The following TSHZ2 variants were observed in gnomAD, a reference collection of about 807,000 sequenced individuals.
TSHZ2 encodes teashirt zinc finger homeobox 2.
In TSHZ2, 21 loss-of-function variants were observed where a neutral mutation model predicts 74.4. That is an observed-to-expected ratio of 0.28 (90% CI 0.20 to 0.41). The LOEUF is 0.41. Ranked by LOEUF, TSHZ2 falls within the 10% of genes least tolerant of loss-of-function variation. The probability of loss-of-function intolerance (pLI) is 1.00; values close to 1 mark genes in which losing one functional copy is unlikely to be tolerated. For missense variants in TSHZ2, 1,244 were observed against 1,293.5 expected, an observed-to-expected ratio of 0.96 and a Z score of 0.59; for synonymous variants, 540 against 515.3, an observed-to-expected ratio of 1.05 and a Z score of -0.65.
intron 2 of TSHZ2, among the ~76,000 whole-genome samples, chr20:53,287,946 A>G (rs1263247863): frequency 1.3e-5 from 2 of 152,212 alleles, no homozygotes; most frequent in African/African-American, 4.8e-5. Context: ...ATTGGAGAAG[A>G]TTAAAGTCTT....
intron 2 of TSHZ2, among the ~76,000 whole-genome samples, chr20:53,428,507 C>T (rs1983731251): frequency 6.6e-6 from 1 of 152,140 alleles, no homozygotes. Context: ...AAACAATTTC[C>T]AAGTGTGGTC....
chr20:53,264,574 G>A (rs1464006474), intron 2 of TSHZ2, among the ~76,000 whole-genome samples: 1 of 152,214 alleles, frequency 6.6e-6, no homozygotes, highest in Non-Finnish European at 1.5e-5. Flanking sequence ...AAGGATGCAT[G>A]TCCAGAATGA....
intron 2 of TSHZ2, among the ~76,000 whole-genome samples, chr20:53,312,226 G>T (rs1978825814): frequency 6.6e-6 from 1 of 152,212 alleles, no homozygotes; most frequent in African/African-American, 2.4e-5. Flanking sequence ...GGGCAGTAGA[G>T]CATCCTACTT....
At chr20:53,113,607 T>A (rs928128121) in intron 1 of TSHZ2, among the ~76,000 whole-genome samples, 2 of 152,108 alleles carry the variant, frequency 1.3e-5, no homozygotes, top group Non-Finnish European at 2.9e-5. Context: ...TAAAGAGAGG[T>A]TTCAGAATAT....
At chr20:53,048,770 G>T (rs6068439) in intron 1 of TSHZ2, among the ~76,000 whole-genome samples, 3 of 151,968 alleles carry the variant, frequency 2.0e-5, no homozygotes, top group African/African-American at 7.3e-5. Context: ...TTCCCCTTTT[G>T]TATGGGATTT....
chr20:53,121,854 G>A (rs1986819265), intron 1 of TSHZ2, among the ~76,000 whole-genome samples: 2 of 151,960 alleles, frequency 1.3e-5, no homozygotes, highest in South Asian at 4.2e-4. Context: ...GAGTTTTATT[G>A]TCCCTCCTCT....
intron 2 of TSHZ2, among the ~76,000 whole-genome samples, chr20:53,356,436 C>A (rs1980850033): frequency 6.6e-6 from 1 of 152,162 alleles, no homozygotes; most frequent in Admixed American, 6.5e-5. Flanking sequence ...TTAGAAGAGT[C>A]CCACACTTGC....
chr20:53,173,435 C>T (rs527255899), intron 1 of TSHZ2, among the ~76,000 whole-genome samples: 27 of 152,142 alleles, frequency 1.8e-4, no homozygotes, highest in Non-Finnish European at 2.2e-4. Context: ...GGTGAAACCC[C>T]GTCTCTACTA....
chr20:53,107,057 C>A (rs906000883), intron 1 of TSHZ2, among the ~76,000 whole-genome samples: 2 of 152,146 alleles, frequency 1.3e-5, no homozygotes, highest in Non-Finnish European at 2.9e-5. Flanking sequence ...TTTCCCGTTG[C>A]TGTTTCCTTT....
intron 1 of TSHZ2, among the ~76,000 whole-genome samples, chr20:53,076,644 A>G (rs2123216117): frequency 6.6e-6 from 1 of 152,324 alleles, no homozygotes; most frequent in East Asian, 1.9e-4. Flanking sequence ...AACAGCACTA[A>G]ATTAGGTTGA....
intron 1 of TSHZ2, among the ~76,000 whole-genome samples, chr20:53,187,572 G>A (rs755116546): frequency 3.3e-5 from 5 of 152,108 alleles, no homozygotes; most frequent in African/African-American, 7.2e-5. Flanking sequence ...GTGGCTAGCC[G>A]GGTGGTCCCA....
chr20:53,152,285 C>CT (rs1383948695), intron 1 of TSHZ2, among the ~76,000 whole-genome samples: 2 of 152,088 alleles, frequency 1.3e-5, no homozygotes, highest in Non-Finnish European at 2.9e-5. Flanking sequence ...ACTCAGGTGA[C>CT]TTAGGAGCTT....
chr20:53,352,644 C>T (rs1035355000), intron 2 of TSHZ2, among the ~76,000 whole-genome samples: 10 of 151,964 alleles, frequency 6.6e-5, no homozygotes, highest in South Asian at 4.2e-4. Context: ...CAAGGTGGCA[C>T]GCCCCTGTAA....
At chr20:53,225,002 T>C (rs896049484) in intron 1 of TSHZ2, among the ~76,000 whole-genome samples, 4 of 152,124 alleles carry the variant, frequency 2.6e-5, no homozygotes, top group African/African-American at 7.2e-5. Context: ...CAAGAGTAAA[T>C]ATTTTTGTCT....
At chr20:53,120,038 T>C (rs1986767368) in intron 1 of TSHZ2, among the ~76,000 whole-genome samples, 1 of 152,220 alleles carries the variant, frequency 6.6e-6, no homozygotes. Flanking sequence ...TCCTCTGGTA[T>C]TCAAAGGATC....
rs550695165 is a variant in TSHZ2, at chr20:53,215,779, C to A, written c.41-37720C>A. On this transcript the variant is annotated intron_variant, in intron 1 of 2. Coordinates refer to ENST00000371497, the MANE Select transcript of TSHZ2 (RefSeq NM_173485.6). The stretch of plus-strand genomic sequence containing the variant: ...GCTACTCAGGAGGCTGAGGCAGGAG[C>A]ATAGCTTGAACTCAGGAAGCGGAGG... Among the ~76,000 whole-genome samples, 7 of 150,092 alleles carry A rather than the reference C, an allele frequency of 4.7e-5. No homozygotes were observed. In the East Asian group the frequency reaches 1.4e-3, roughly 30 times the overall value.
At chr20:53,329,555 G>A (rs186662417) in intron 2 of TSHZ2, among the ~76,000 whole-genome samples, 10 of 150,944 alleles carry the variant, frequency 6.6e-5, no homozygotes, top group South Asian at 2.1e-4. Context: ...ACAGCTGACC[G>A]TAAACACACT....
chr20:53,168,573 T>G (rs1988115991), intron 1 of TSHZ2: 2 of 152,340 alleles, frequency 1.3e-5, no homozygotes, highest in South Asian at 4.1e-4. Flanking sequence ...CTGAAAGATG[T>G]TTTTGCTTGT....
At chr20:53,151,391 G>C (rs1336644537) in intron 1 of TSHZ2, among the ~76,000 whole-genome samples, 1 of 152,210 alleles carries the variant, frequency 6.6e-6, no homozygotes, top group South Asian at 2.1e-4. Flanking sequence ...GGGAGGGCTA[G>C]TGTCTATATT....
Sources: allele counts gnomAD v4.1 joint callset (sites outside exome capture counted in the v4.1 genomes callset), GRCh38; gene constraint gnomAD v4.1.1; transcripts MANE v1.5; gene names NCBI Gene and HGNC (gene_info 2026-07-23, HGNC 2026-07-21).